TMC5: variants seen among roughly 807,000 people sequenced by gnomAD.
TMC5 encodes the protein transmembrane channel like 5.
A neutral mutation model predicts 110.5 loss-of-function variants in TMC5; 86 were observed. The observed-to-expected ratio is 0.78, with a 90% CI of 0.65 to 0.93. The LOEUF (loss-of-function observed/expected upper bound fraction) is 0.93, where lower values mean the gene tolerates loss of function less well. Among genes scored for constraint, TMC5 ranks in the 40% least tolerant of loss-of-function variants. TMC5 has a pLI of 0.00. For synonymous variants in TMC5, 455 were observed against 439.5 expected (o/e 1.04, Z -0.44); for missense variants, 1,144 against 1,222.8 (o/e 0.94, Z 0.96).
chr16:19,475,988 T>C (rs544460052), intron 12 of TMC5, among the ~76,000 whole-genome samples: 3 of 152,210 alleles, frequency 2.0e-5, no homozygotes, highest in African/African-American at 7.2e-5. Context: ...ATATCATAGG[T>C]GTCCAAGAAT....
chr16:19,440,974 T>C, intron 3 of TMC5, 148 bp downstream of exon 3: 2 of 768,794 alleles, frequency 2.6e-6, no homozygotes, highest in Non-Finnish European at 4.2e-6. Context: ...CATACCTATC[T>C]GTAGACCTTA....
At chr16:19,465,046 TCTTTCTTTCTTTTCCTTCCTTCCTTCC>T (rs1567314624) in intron 8 of TMC5, among the ~76,000 whole-genome samples, 33 of 105,352 alleles carry the variant, frequency 3.1e-4, no homozygotes, top group African/African-American at 1.5e-3. Flanking sequence ...TTTCTTTCTT[TCTTTCTTTCTTTTCCTTCCTTCCTTCC>T]TTCCTTCCTT....
intron 8 of TMC5, 128 bp from the exon 9 acceptor site, chr16:19,465,954 G>C: frequency 4.1e-6 from 4 of 976,146 alleles, no homozygotes; most frequent in Non-Finnish European, 5.7e-6. Flanking sequence ...CCCTTTCCTG[G>C]AAAACAAAAT....
chr16:19,494,747 C>T (rs111977784), intron 20 of TMC5, among the ~76,000 whole-genome samples: 352 of 152,136 alleles, frequency 2.3e-3, no homozygotes, highest in African/African-American at 8.1e-3. Flanking sequence ...GTGGAGGTTG[C>T]GGTGAGCCAA....
At chr16:19,414,349 A>G (rs1165499811), upstream of TMC5, among the ~76,000 whole-genome samples, 4 of 152,284 alleles carry the variant, frequency 2.6e-5, no homozygotes, top group Non-Finnish European at 5.9e-5. Context: ...CACAATACTC[A>G]TGCAAATTAT....
intron 5 of TMC5, among the ~76,000 whole-genome samples, chr16:19,457,709 C>CTTTTTTTTCTTTTT (rs1967916642): frequency 4.6e-5 from 2 of 43,924 alleles, no homozygotes; most frequent in East Asian, 1.4e-3. Flanking sequence ...AGACTACATT[C>CTTTTTTTTCTTTTT]TTTTTTTTTT....
chr16:19,449,683 G>C, intron 5 of TMC5, 52 bp downstream of exon 5: 1 of 1,524,992 alleles, frequency 6.6e-7, no homozygotes, highest in East Asian at 2.3e-5. Flanking sequence ...ATTTCAAATT[G>C]TAATCCCCAT....
At chr16:19,411,151 G>C (rs1966854959) in exon 1 of TMC5, 1 of 152,272 alleles carries the variant, frequency 6.6e-6, no homozygotes, top group Non-Finnish European at 1.5e-5. Context: ...CGTTTCTCAG[G>C]TGCTTACTTC....
chr16:19,477,074 G>A (rs955548237), intron 12 of TMC5: 29 of 218,308 alleles, frequency 1.3e-4, no homozygotes, highest in Admixed American at 3.2e-4. Context: ...GTGAAATCCC[G>A]TCTCTACTAA....
intron 5 of TMC5, among the ~76,000 whole-genome samples, chr16:19,454,681 C>T (rs1015233416): frequency 6.6e-6 from 1 of 152,144 alleles, no homozygotes; most frequent in African/African-American, 2.4e-5. Context: ...TGAGGAGGAA[C>T]AGTGTCCGTT....
Position 19,460,328 on chromosome 16 carries a change from A to G in TMC5, c.1142A>G (p.Asn381Ser), listed in dbSNP as rs767266067. 6.2e-7 allele frequency: 1 copy of G among 1,611,408 alleles called. No individual in the cohort carries two copies. Among genetic ancestry groups the G allele is most frequent in the Non-Finnish European group, 8.5e-7 (1 of 1,177,948 alleles). The change falls in exon 6 of 22, where the codon AAC becomes AGC. Residue 381 changes from asparagine to serine, a missense_variant. By Grantham distance (46) the Asn-to-Ser change is conservative. Coordinates refer to ENST00000542583, the MANE Select transcript of TMC5 (RefSeq NM_001261841.2). ...CCAAGGACCATGGAAGAGAAAAGGA[A>G]CCTTAGGTATGGACTAAAGGCTTTT... The part of the protein sequence containing the change: ...NQPRTMEEKR[N>S]LRKIVDKEKS...
intron 4 of TMC5, among the ~76,000 whole-genome samples, chr16:19,444,904 G>A (rs935279080): frequency 6.6e-6 from 1 of 152,238 alleles, no homozygotes; most frequent in South Asian, 2.1e-4. Flanking sequence ...GTCGAGGCGG[G>A]CAGATCACCT....
intron 8 of TMC5, among the ~76,000 whole-genome samples, chr16:19,465,139 G>A (rs886777637): frequency 2.6e-5 from 3 of 116,520 alleles, no homozygotes; most frequent in Non-Finnish European, 3.3e-5. Flanking sequence ...CTCCCTTCCT[G>A]GACCCCAAAA....
chr16:19,487,747 ATAAATAAATAAT>A (rs888883041), intron 17 of TMC5: 2 of 143,906 alleles, frequency 1.4e-5, no homozygotes, highest in African/African-American at 5.4e-5. Flanking sequence ...AAATAAATAA[ATAAATAAATAAT>A]GTAGGTATGG....
At chr16:19,487,558 C>T (rs1968778410) in intron 17 of TMC5, among the ~76,000 whole-genome samples, 2 of 151,898 alleles carry the variant, frequency 1.3e-5, no homozygotes, top group Admixed American at 1.3e-4. Flanking sequence ...AAAAATTAGC[C>T]AAGTGTGGTG....
intron 1 of TMC5, among the ~76,000 whole-genome samples, chr16:19,419,056 C>A (rs1373807113): frequency 6.6e-6 from 1 of 152,148 alleles, no homozygotes; most frequent in Non-Finnish European, 1.5e-5. Flanking sequence ...TGATGATGAT[C>A]CAAGCCCAGC....
chr16:19,476,043 C>T (rs1435237104), intron 12 of TMC5, among the ~76,000 whole-genome samples: 2 of 152,064 alleles, frequency 1.3e-5, no homozygotes, highest in African/African-American at 4.8e-5. Flanking sequence ...TTGATTATAT[C>T]CAATTCATAT....
intron 17 of TMC5, 50 bp downstream of exon 17, chr16:19,487,376 G>A (rs773703436): frequency 1.3e-6 from 2 of 1,578,670 alleles, no homozygotes; most frequent in South Asian, 1.2e-5. Context: ...GTGGATGGGT[G>A]TGTGTTTTAA....
chr16:19,418,655 C>A (rs1472463202), intron 1 of TMC5, among the ~76,000 whole-genome samples: 1 of 151,468 alleles, frequency 6.6e-6, no homozygotes, highest in African/African-American at 2.4e-5. Flanking sequence ...AATAACTTCT[C>A]ATTTTTCTCA....
Sources: allele counts gnomAD v4.1 joint callset (sites outside exome capture counted in the v4.1 genomes callset), GRCh38; gene constraint gnomAD v4.1.1; transcripts MANE v1.5; gene names NCBI Gene and HGNC (gene_info 2026-07-23, HGNC 2026-07-21).